The following MARK1 variants were observed in gnomAD, a reference collection of about 807,000 sequenced individuals.
MARK1 encodes the protein serine/threonine-protein kinase MARK1.
In MARK1, 40 loss-of-function variants were observed where a neutral mutation model predicts 96.3. The observed-to-expected ratio is 0.42, with a 90% CI of 0.32 to 0.54. The LOEUF is 0.54. MARK1 is among the 20% of genes least tolerant of loss of function. MARK1 has a pLI of 0.16. For synonymous variants in MARK1, 317 were observed against 341.2 expected, an observed-to-expected ratio of 0.93 and a Z score of 0.78; for missense variants, 719 against 984.6, an observed-to-expected ratio of 0.73 and a Z score of 3.61.
intron 1 of MARK1, among the ~76,000 whole-genome samples, chr1:220,546,178 GTC>G (rs1415396313): frequency 1.5e-4 from 23 of 152,150 alleles, no homozygotes; most frequent in Admixed American, 1.5e-3. Flanking sequence ...AGTTGAGCCT[GTC>G]TCTCTTCCCT....
intron 1 of MARK1, among the ~76,000 whole-genome samples, chr1:220,539,776 T>G (rs1000413118): frequency 3.3e-5 from 5 of 150,522 alleles, no homozygotes; most frequent in Non-Finnish European, 7.4e-5. Context: ...ATTGCTAGGT[T>G]TTTTTTTTTC....
At chr1:220,622,579 C>T (rs1030665049) in intron 9 of MARK1, among the ~76,000 whole-genome samples, 1 of 152,034 alleles carries the variant, frequency 6.6e-6, no homozygotes, top group Non-Finnish European at 1.5e-5. Context: ...TTTGTCTGGC[C>T]GTTCTAAATT....
intron 1 of MARK1, among the ~76,000 whole-genome samples, chr1:220,559,825 G>A (rs1338757306): frequency 6.6e-6 from 1 of 152,142 alleles, no homozygotes; most frequent in Non-Finnish European, 1.5e-5. Context: ...TGGCAAATGG[G>A]GATGTAAGAA....
rs531376481 is a variant in MARK1 at position 220,663,704 on chromosome 1, C to T, written c.*1538C>T. The T allele has an allele frequency of 6.6e-6, 1 of 152,088 alleles. No homozygotes were observed. The highest frequency in any genetic ancestry group is 6.6e-5 in the Admixed American group (1 of 15,232). 9.4% of individuals were successfully genotyped at this position (152,088 alleles called of 1,614,324 possible). On this transcript the variant is annotated 3_prime_UTR_variant, in exon 18 of 18. Transcript: ENST00000366917. ...ACTAGGGTGAATTTTATGTTCTGTA[C>T]TGTACTGTGATGTAGCTTTCTTCTG...
intron 1 of MARK1, among the ~76,000 whole-genome samples, chr1:220,540,872 T>C (rs562898889): frequency 5.1e-4 from 78 of 152,280 alleles, no homozygotes; most frequent in Middle Eastern, 3.4e-3. Flanking sequence ...AATTTTGACT[T>C]AGTTTGCTCT....
At chr1:220,621,234 AT>A (rs1347054437) in intron 9 of MARK1, among the ~76,000 whole-genome samples, 1 of 151,958 alleles carries the variant, frequency 6.6e-6, no homozygotes, top group Non-Finnish European at 1.5e-5. Context: ...AACGTAATTT[AT>A]TTAACTATTC....
chr1:220,539,092 C>T (rs1399484698), intron 1 of MARK1, among the ~76,000 whole-genome samples: 2 of 152,014 alleles, frequency 1.3e-5, no homozygotes, highest in African/African-American at 2.4e-5. Flanking sequence ...TTGGCCAGAA[C>T]TTCCAACACT....
chr1:220,560,604 A>T (rs1662603434), intron 1 of MARK1, among the ~76,000 whole-genome samples: 3 of 152,202 alleles, frequency 2.0e-5, no homozygotes, highest in Non-Finnish European at 2.9e-5. Flanking sequence ...TGAGATGGCT[A>T]CTAAGTGACT....
In MARK1 at chr1:220,581,239, A is replaced by C. The variant is rs1008263174; in HGVS notation, c.309+121A>C. 8 of 371,982 alleles carry C rather than the reference A, an allele frequency of 2.2e-5. No individual in the cohort carries two copies. The Admixed American group carries it at 2.3e-4, about 11-fold the overall frequency. 23.0% of individuals were successfully genotyped at this position (371,982 alleles called of 1,614,324 possible). On this transcript the variant is annotated intron_variant, in intron 3 of 17. Transcript: ENST00000366917. Reference sequence around the variant, plus strand: ...AATTCTACATTTCATCAATATAAGAAGAAAAGACATAATATAAAATGTAAT... The same window carrying C: ...AATTCTACATTTCATCAATATAAGACGAAAAGACATAATATAAAATGTAAT...
At chr1:220,573,797 A>G (rs1663644042) in intron 1 of MARK1, among the ~76,000 whole-genome samples, 1 of 29,536 alleles carries the variant, frequency 3.4e-5, no homozygotes, top group Non-Finnish European at 1.4e-4. Context: ...ATTGTAGTAT[A>G]TGTAGTATAT....
At chr1:220,646,738 G>C (rs1430158292) in intron 13 of MARK1, among the ~76,000 whole-genome samples, 7 of 152,102 alleles carry the variant, frequency 4.6e-5, no homozygotes, top group Admixed American at 4.6e-4. Context: ...AGAGAACTCA[G>C]AAATAAAACT....
chr1:220,650,706 T>A lies in MARK1; in HGVS notation c.1557T>A (p.Asn519Lys). 6.2e-7 allele frequency: 1 copy of A among 1,613,032 alleles called. No homozygotes were observed. The highest frequency in any genetic ancestry group is 8.5e-7 in the Non-Finnish European group (1 of 1,179,190). Reference protein sequence around the residue: ...RTTDRYVALQNGKDSSLTEMS... With the variant: ...RTTDRYVALQKGKDSSLTEMS... ...CAGATCGATACGTAGCATTGCAGAA[T>A]GGAAAAGACAGCAGGTAAATGCCAC... The change falls in exon 14 of 18, where the codon AAT becomes AAA. Residue 519 changes from asparagine (N) to lysine (K), a missense_variant. Physicochemically the swap from Asn to Lys is moderately conservative, Grantham distance 94. Around this residue, in one of 4 missense-constraint regions of MARK1, gnomAD observed 501 missense variants for 588.3 expected, o/e 0.85. Coordinates refer to ENST00000366917, the MANE Select transcript of MARK1 (RefSeq NM_018650.5).
Position 220,624,063 on chromosome 1 carries a change from C to T in MARK1, c.909+5308C>T, listed in dbSNP as rs1033001630. On this transcript the variant is annotated intron_variant, in intron 9 of 17. Coordinates refer to ENST00000366917, the MANE Select transcript of MARK1 (RefSeq NM_018650.5). ...CTGTAATCCTAGCACTTTGGGAGGC[C>T]CAAGGGGGCGGATCACCTAAGGTCA... is the stretch of plus-strand genomic sequence containing the variant. Among the ~76,000 whole-genome samples, 4 of 152,108 alleles carry T rather than the reference C, an allele frequency of 2.6e-5. No individual in the cohort carries two copies. The East Asian group carries it at 7.7e-4, about 29-fold the overall frequency.
chr1:220,535,183 A>C (rs1660601158), intron 1 of MARK1, among the ~76,000 whole-genome samples: 1 of 152,140 alleles, frequency 6.6e-6, no homozygotes, highest in African/African-American at 2.4e-5. Flanking sequence ...CCAACAGTGC[A>C]CAAGGGTTGC....
At chr1:220,539,072 C>T (rs1298591170) in intron 1 of MARK1, among the ~76,000 whole-genome samples, 1 of 152,064 alleles carries the variant, frequency 6.6e-6, no homozygotes, top group Non-Finnish European at 1.5e-5. Context: ...CCTTCTCCTG[C>T]CTAATTGCCT....
intron 1 of MARK1, among the ~76,000 whole-genome samples, chr1:220,540,359 T>G (rs1164656260): frequency 1.3e-5 from 2 of 150,794 alleles, no homozygotes; most frequent in South Asian, 2.1e-4. Context: ...AAATTTTCCG[T>G]TTTTTTTCTT....
At chr1:220,594,999 T>C (rs1171064259) in intron 3 of MARK1, among the ~76,000 whole-genome samples, 1 of 152,106 alleles carries the variant, frequency 6.6e-6, no homozygotes, top group African/African-American at 2.4e-5. Flanking sequence ...GTAATGTAAA[T>C]GTGAACTTCC....
At chr1:220,539,355 A>G (rs200541719) in intron 1 of MARK1, among the ~76,000 whole-genome samples, 1 of 151,902 alleles carries the variant, frequency 6.6e-6, no homozygotes, top group Non-Finnish European at 1.5e-5. Context: ...GGTTCTGTTT[A>G]TATGCTGGAT....
intron 3 of MARK1, among the ~76,000 whole-genome samples, chr1:220,586,007 A>ACGCGCGCGCG (rs774098418): frequency 1.1e-4 from 7 of 61,716 alleles, no homozygotes; most frequent in African/African-American, 2.5e-4. Context: ...ACACACACAC[A>ACGCGCGCGCG]CACACGCGCG....
Sources: gnomAD v4.1 joint callset for allele counts (sites outside exome capture counted in the v4.1 genomes callset) on GRCh38, gnomAD v4.1.1 for gene constraint, gnomAD v4.1.1 regional missense constraint, MANE v1.5 for transcripts, NCBI Gene and HGNC (gene_info 2026-07-23, HGNC 2026-07-21) for gene names.